The following IKZF4 variants were observed in gnomAD, a reference collection of about 807,000 sequenced individuals.
IKZF4 encodes zinc finger protein Eos.
In IKZF4, 11 loss-of-function variants were observed where a neutral mutation model predicts 47.7. The ratio of observed to expected loss-of-function variants is 0.23; its 90% CI spans 0.15 to 0.38. The LOEUF (loss-of-function observed/expected upper bound fraction) is 0.38, where lower values mean the gene tolerates loss of function less well. Ranked by LOEUF, IKZF4 falls within the 10% of genes least tolerant of loss-of-function variation. IKZF4 has a pLI of 1.00. For missense variants in IKZF4, 557 were observed against 784.9 expected (o/e 0.71, Z 3.47); for synonymous variants, 298 against 299.4 (o/e 1.00, Z 0.05).
intron 1 of IKZF4, 136 bp from the exon 2 acceptor site, chr12:56,023,535 G>A: frequency 9.2e-7 from 1 of 1,081,298 alleles, no homozygotes; most frequent in Non-Finnish European, 1.3e-6. Flanking sequence ...AAGCCATAAG[G>A]CTTTTTCTAT....
chr12:56,020,687 G>C (rs1046511802), upstream of IKZF4, among the ~76,000 whole-genome samples: 1 of 152,124 alleles, frequency 6.6e-6, no homozygotes, highest in Non-Finnish European at 1.5e-5. Context: ...GGCACAGGAA[G>C]GGGGGGAAAT....
At chr12:56,032,155 A>G (rs1040861160) in intron 5 of IKZF4, 17 of 163,866 alleles carry the variant, frequency 1.0e-4, no homozygotes, top group South Asian at 1.7e-4. Flanking sequence ...AACAGCACTT[A>G]CATCCGCCTG....
intron 1 of IKZF4, among the ~76,000 whole-genome samples, chr12:56,008,856 A>G (rs533990831): frequency 2.6e-4 from 40 of 151,898 alleles, no homozygotes; most frequent in African/African-American, 9.4e-4. Context: ...TTGTATTTTT[A>G]GTAGAGATGG....
chr12:56,035,038 C>G lies in IKZF4; in HGVS notation c.1465C>G (p.Arg489Gly). 6.4e-7 allele frequency: 1 copy of G among 1,564,028 alleles called. No individual in the cohort carries two copies. Among genetic ancestry groups the G allele is most frequent in the Non-Finnish European group, 8.7e-7 (1 of 1,153,654 alleles). The change falls in exon 8 of 8, where the codon CGG (arginine) becomes GGG (glycine). Residue 489 changes from arginine (R) to glycine (G), a missense_variant. Physicochemically the swap from Arg to Gly is moderately radical, Grantham distance 125. Transcript: ENST00000547167. This position sits in a 1 kb window ranked among gnomAD's most constrained non-coding sequence, Gnocchi z 6.1. ...PQPPPTIVVG[R>G]HSPAYAKEDP... The stretch of plus-strand genomic sequence containing the variant: ...GCCACCTCCCACCATTGTGGTGGGC[C>G]GGCACAGTCCTGCCTACGCCAAAGA...
At position 56,035,821 on chromosome 12, in the gene IKZF4, C is replaced by T. The variant is rs748787672; in HGVS notation, c.*490C>T. The T allele has an allele frequency of 1.9e-4, 29 of 156,274 alleles. No homozygotes were observed. The highest frequency in any genetic ancestry group is 8.7e-4 in the Admixed American group (14 of 16,102). The allele number at this position is 156,274 out of a possible 1,614,324, so 9.7% of individuals were successfully genotyped here. Reference sequence around the variant, plus strand: ...TTCAGTTTTGATGCTGATACCTGCCCCCGGCCCTACCTTAGCTCTGTGGCA... The same window carrying T: ...TTCAGTTTTGATGCTGATACCTGCCTCCGGCCCTACCTTAGCTCTGTGGCA... On this transcript the variant is annotated 3_prime_UTR_variant, in exon 8 of 8. Transcript: ENST00000547167. This position sits in a 1 kb window ranked among gnomAD's most constrained non-coding sequence, Gnocchi z 6.1.
chr12:56,033,445 C>T lies in IKZF4; in HGVS notation c.997+124C>T, dbSNP rs966187532. ...CTGGTGGGCTGGGTGCAGTGGCTCACGTCTGTAATCCCAGCACTTTGGGAG... is the reference window on the plus strand; with the variant it reads ...CTGGTGGGCTGGGTGCAGTGGCTCATGTCTGTAATCCCAGCACTTTGGGAG... On this transcript the variant is annotated intron_variant, in intron 7 of 7. Transcript: ENST00000547167. 14 of 1,206,542 alleles carry T rather than the reference C, an allele frequency of 1.2e-5. No homozygotes were observed. In the South Asian group the frequency reaches 1.6e-4, roughly 14 times the overall value. The allele number at this position is 1,206,542 out of a possible 1,614,324, so 74.7% of individuals were successfully genotyped here.
intron 2 of IKZF4, among the ~76,000 whole-genome samples, chr12:56,012,844 C>G (rs1193880106): frequency 6.6e-6 from 1 of 152,146 alleles, no homozygotes; most frequent in Non-Finnish European, 1.5e-5. Context: ...GAGCTAGGCA[C>G]AGTGGCACAT....
In IKZF4 at chr12:56,021,053, C is replaced by T. The variant is rs1240531705; in HGVS notation, c.-441C>T. ...CTCTCTCTCTTGCACACACTCTTGC[C>T]TCTCTCAGGCATTTGTTGTGCAGTT... On this transcript the variant is annotated 5_prime_UTR_variant, in exon 1 of 8. Coordinates refer to ENST00000547167, the MANE Select transcript of IKZF4 (RefSeq NM_022465.4). The T allele has an allele frequency of 8.9e-6, 11 of 1,230,586 alleles. No homozygotes were observed. The highest frequency in any genetic ancestry group is 1.1e-5 in the Non-Finnish European group (11 of 978,398). The allele number at this position is 1,230,586 out of a possible 1,614,324, so 76.2% of individuals were successfully genotyped here.
At chr12:56,033,661 C>T (rs991930894) in intron 7 of IKZF4, among the ~76,000 whole-genome samples, 1 of 151,946 alleles carries the variant, frequency 6.6e-6, no homozygotes, top group Non-Finnish European at 1.5e-5. Context: ...GAGCGGAGAT[C>T]GCGCCACTGC....
At position 56,015,457 on chromosome 12, in the gene IKZF4, C is replaced by T. The variant is rs148201948; in HGVS notation, c.-213-2669C>T. Among the ~76,000 whole-genome samples the T allele has an allele frequency of 7.0e-4, 106 of 151,942 alleles. 1 individual carries two copies. The highest frequency in any genetic ancestry group is 2.5e-3 in the African/African-American group (104 of 41,412). On this transcript the variant is annotated intron_variant, in intron 2 of 11. Transcript: ENST00000262032. ...TGTTGACCTGGCTGGAGTGCAGTGG[C>T]GTGATCTCCGCTCACTGCAACCTAC...
chr12:56,027,117 C>G (rs981402793), intron 4 of IKZF4, 76 bp downstream of exon 4: 1 of 1,357,170 alleles, frequency 7.4e-7, no homozygotes, highest in African/African-American at 1.5e-5. Flanking sequence ...GGGACAACAG[C>G]AGGTATGGGG....
At position 56,021,530 on chromosome 12, in the gene IKZF4, GGCGGCGGCC is replaced by G; in HGVS notation, c.41_49del (p.Gly14_Arg16del). 1.9e-6 allele frequency: 3 copies of G among 1,609,466 alleles called. No individual in the cohort carries two copies. Among genetic ancestry groups the G allele is most frequent in the Non-Finnish European group, 2.5e-6 (3 of 1,178,308 alleles). ...ACCCGCACTCCCTCGCCGTTTCCAA[GGCGGCGGCC>G]GCGTTCGCACCCCAGGGTCTCACCG... On this transcript the variant is annotated inframe_deletion, in exon 1 of 8. Transcript: ENST00000547167.
chr12:56,008,443 TCA>T (rs1890956208), intron 1 of IKZF4, among the ~76,000 whole-genome samples: 1 of 152,090 alleles, frequency 6.6e-6, no homozygotes, highest in Non-Finnish European at 1.5e-5. Context: ...CTGTACCTCC[TCA>T]CACAAACCCC....
intron 2 of IKZF4, chr12:56,011,716 C>CA (rs1270680811): frequency 6.6e-6 from 1 of 152,198 alleles, no homozygotes; most frequent in Non-Finnish European, 1.5e-5. Flanking sequence ...ACTGTAAAGA[C>CA]AAACACATGA....
At chr12:56,020,763 C>T, upstream of IKZF4, 1 of 179,806 alleles carries the variant, frequency 5.6e-6, no homozygotes. Flanking sequence ...GCAACACTAG[C>T]CTGACACCAG....
In IKZF4 at chr12:56,026,970, T is replaced by C. The variant is rs1894122996; in HGVS notation, c.476T>C (p.Leu159Pro). 1 of 1,610,494 alleles carries C rather than the reference T, an allele frequency of 6.2e-7. No individual in the cohort carries two copies. The highest frequency in any genetic ancestry group is 1.1e-5 in the South Asian group (1 of 90,404). The change falls in exon 4 of 8, where the codon CTC (leucine) becomes CCC (proline). Residue 159 changes from leucine to proline, a missense_variant. Leu to Pro is a moderately conservative substitution (Grantham distance 98, BLOSUM62 -3). This residue lies in a region of IKZF4 where 27 missense variants were observed against 85.4 expected (regional missense o/e 0.32). Transcript: ENST00000547167. ...GGCATCCGGCTGCCCAATGGCAAGC[T>C]CAAGTGTGACGTCTGCGGCATGGTC... ...PGGIRLPNGK[L>P]KCDVCGMVCI...
At position 56,032,667 on chromosome 12, in the gene IKZF4, A is replaced by G; in HGVS notation, c.822A>G (p.Leu274=). The G allele has an allele frequency of 6.2e-7, 1 of 1,614,018 alleles. No homozygotes were observed. ...ACAAGGAGCGGTGCCATAACTACCT[A>G]CAGAGTCTCAGCACTGAAGCCCAAG... ...EEHKERCHNY[L]QSLSTEAQAL... Residue 274 remains leucine (L), a synonymous_variant, in exon 6 of 8, where the codon CTA becomes CTG. Coordinates refer to ENST00000547167, the MANE Select transcript of IKZF4 (RefSeq NM_022465.4).
chr12:56,021,540 G>T lies in IKZF4; in HGVS notation c.47G>T (p.Arg16Leu), dbSNP rs764431398. The T allele has an allele frequency of 3.1e-6, 5 of 1,609,448 alleles. No individual in the cohort carries two copies. The South Asian group carries it at 3.3e-5, about 11-fold the overall frequency. ...ALPRRFQGGG[R>L]VRTPGSHRQG... is the part of the protein sequence containing the mutation. ...CCTCGCCGTTTCCAAGGCGGCGGCC[G>T]CGTTCGCACCCCAGGGTCTCACCGG... Residue 16 changes from arginine (R) to leucine (L), a missense_variant, in exon 1 of 8, where the codon CGC becomes CTC. Physicochemically the swap from Arg to Leu is moderately radical, Grantham distance 102 (BLOSUM62 -2). This residue lies in a region of IKZF4 where 44 missense variants were observed against 39.7 expected (regional missense o/e 1.11). Coordinates refer to ENST00000547167, the MANE Select transcript of IKZF4 (RefSeq NM_022465.4).
chr12:56,015,025 C>T (rs1891840889), intron 2 of IKZF4, among the ~76,000 whole-genome samples: 1 of 152,114 alleles, frequency 6.6e-6, no homozygotes, highest in African/African-American at 2.4e-5. Flanking sequence ...TCACTCTTGC[C>T]TCTCCTGCAT....
Sources: gnomAD v4.1 joint callset for allele counts (sites outside exome capture counted in the v4.1 genomes callset) on GRCh38, gnomAD v4.1.1 for gene constraint, gnomAD v4.1.1 regional missense constraint, Gnocchi (gnomAD v3.1) non-coding constraint, MANE v1.5 for transcripts, NCBI Gene and HGNC (gene_info 2026-07-23, HGNC 2026-07-21) for gene names.